MTG1: variants seen among roughly 807,000 people sequenced by gnomAD.
The protein encoded by MTG1 is mitochondrial ribosome associated GTPase 1.
MTG1 carries 30 observed loss-of-function variants against 39.5 expected under a neutral mutation model. The ratio of observed to expected loss-of-function variants is 0.76; its 90% CI spans 0.57 to 1.03. The LOEUF (loss-of-function observed/expected upper bound fraction) is 1.03, where lower values mean the gene tolerates loss of function less well. MTG1 is among the 50% of genes least tolerant of loss of function. MTG1 has a pLI of 0.00. For missense variants in MTG1, 513 were observed against 447.4 expected, an observed-to-expected ratio of 1.15 and a Z score of -1.32; for synonymous variants, 217 against 179.0, an observed-to-expected ratio of 1.21 and a Z score of -1.69.
rs1217793982 is a variant in MTG1, at chr10:133,402,578, C to T, written c.671-114C>T. ...GGTTAGTGTCTTTGTCAGTGGCTGGCCTCTTCCTCACGGCACGGTGTCTTT... is the reference window on the plus strand; with the variant it reads ...GGTTAGTGTCTTTGTCAGTGGCTGGTCTCTTCCTCACGGCACGGTGTCTTT... On this transcript the variant is annotated intron_variant, in intron 8 of 10. Coordinates refer to ENST00000317502, the MANE Select transcript of MTG1 (RefSeq NM_138384.4). The surrounding 1 kb of genome is among the most constrained non-coding windows in gnomAD (Gnocchi z 4.7). 2.1e-6 allele frequency: 2 copies of T among 970,494 alleles called. No individual in the cohort carries two copies. Among genetic ancestry groups the T allele is most frequent in the Admixed American group, 2.4e-5 (1 of 41,684 alleles). The allele number at this position is 970,494 out of a possible 1,614,324, so 60.1% of individuals were successfully genotyped here.
chr10:133,421,254 G>T lies in MTG1; in HGVS notation c.*1089G>T, dbSNP rs1850229315. On this transcript the variant is annotated 3_prime_UTR_variant, in exon 11 of 11. Transcript: ENST00000317502. ...ATCGTGCCATAACCCTGACCGCCTG[G>T]GGCAGGAAGTATTCAGGTTGGCTGT... The T allele has an allele frequency of 6.5e-6, 1 of 152,862 alleles. No individual in the cohort carries two copies. Among genetic ancestry groups the T allele is most frequent in the African/African-American group, 2.4e-5 (1 of 41,460 alleles). The allele number at this position is 152,862 out of a possible 1,614,324, so 9.5% of individuals were successfully genotyped here. A position where few individuals can be genotyped will look rare whatever the true frequency, so the allele number is the denominator to read the frequency against.
chr10:133,410,763 C>A (rs956481486), intron 9 of MTG1, among the ~76,000 whole-genome samples: 2 of 152,136 alleles, frequency 1.3e-5, no homozygotes, highest in African/African-American at 4.8e-5. Context: ...CAGAGTGAGA[C>A]CCCTCTCTTA....
intron 7 of MTG1, 115 bp downstream of exon 7, chr10:133,401,705 A>G (rs1438941318): frequency 4.0e-6 from 4 of 997,096 alleles, no homozygotes; most frequent in Non-Finnish European, 6.2e-6. Context: ...CCCTCCACTC[A>G]GTGTCCCCGC....
In MTG1 at chr10:133,417,509, T is replaced by C. The variant is rs556126840; in HGVS notation, c.753-1971T>C. ...CTCTCACCACTCCTATTCAACATAG[T>C]GTTGGAAGTTCTGGCCAGGGCAGTT... is the stretch of plus-strand genomic sequence containing the variant. On this transcript the variant is annotated intron_variant, in intron 9 of 10. Coordinates refer to ENST00000317502, the MANE Select transcript of MTG1 (RefSeq NM_138384.4). 8.1e-3 allele frequency among the ~76,000 whole-genome samples: 1,227 copies of C among 151,088 alleles called. 5 individuals carry two copies. The highest frequency in any genetic ancestry group is 0.01 in the Non-Finnish European group (704 of 67,472).
chr10:133,397,230 C>G (rs905187444), intron 3 of MTG1, among the ~76,000 whole-genome samples: 1 of 152,094 alleles, frequency 6.6e-6, no homozygotes, highest in Admixed American at 6.6e-5. Flanking sequence ...TAAGCTGTCT[C>G]TCTTTCTCCC....
At chr10:133,394,356 A>G in intron 1 of MTG1, 24 bp downstream of exon 1, 2 of 1,462,076 alleles carry the variant, frequency 1.4e-6, no homozygotes, top group Non-Finnish European at 1.8e-6. Flanking sequence ...GGGAGGGGCA[A>G]GGTCATGCCT....
At chr10:133,419,231 C>T (rs1850186276) in intron 9 of MTG1, among the ~76,000 whole-genome samples, 1 of 152,134 alleles carries the variant, frequency 6.6e-6, no homozygotes, top group East Asian at 1.9e-4. Context: ...TGGGAGCCGC[C>T]CCCCATGCTG....
In MTG1 at chr10:133,421,817, C is replaced by A. The variant is rs12253520; in HGVS notation, c.*1652C>A. The A allele has an allele frequency of 0.23, 34,189 of 151,588 alleles. 4,095 individuals are homozygous for A. The highest frequency in any genetic ancestry group is 0.33 in the East Asian group (1,645 of 5,018). The allele number at this position is 151,588 out of a possible 1,614,324, so 9.4% of individuals were successfully genotyped here. A position where few individuals can be genotyped will look rare whatever the true frequency, so the allele number is the denominator to read the frequency against. ...CTTGACTTTGGTGTCCACTGAGTCC[C>A]GAGGCTCAGGCCCAGGAGGGATGCA... On this transcript the variant is annotated 3_prime_UTR_variant, in exon 11 of 11. Transcript: ENST00000317502.
intron 3 of MTG1, among the ~76,000 whole-genome samples, chr10:133,396,904 C>CGACTGTGGTCTA (rs1849791476): frequency 6.6e-6 from 1 of 152,140 alleles, no homozygotes; most frequent in African/African-American, 2.4e-5. Context: ...GTTGCCAAGC[C>CGACTGTGGTCTA]GACTGTGGTC....
Position 133,402,643 on chromosome 10 carries a change from A to G in MTG1, c.671-49A>G, listed in dbSNP as rs754842549. On this transcript the variant is annotated intron_variant, in intron 8 of 10. Transcript: ENST00000317502. This position sits in a 1 kb window ranked among gnomAD's most constrained non-coding sequence, Gnocchi z 4.7. Reference sequence around the variant, plus strand: ...AGGGATGTGTTTGAACTTGGCAGGAACATAGATGTGGCTGTTTCCAGTGCT... The same window carrying G: ...AGGGATGTGTTTGAACTTGGCAGGAGCATAGATGTGGCTGTTTCCAGTGCT... The G allele has an allele frequency of 6.6e-7, 1 of 1,514,050 alleles. No individual in the cohort carries two copies. Among genetic ancestry groups the G allele is most frequent in the Non-Finnish European group, 9.0e-7 (1 of 1,110,002 alleles). 93.8% of individuals were successfully genotyped at this position (1,514,050 alleles called of 1,614,324 possible). A position where few individuals can be genotyped will look rare whatever the true frequency, so the allele number is the denominator to read the frequency against.
At chr10:133,409,802 C>A (rs547583339) in intron 9 of MTG1, among the ~76,000 whole-genome samples, 2 of 152,010 alleles carry the variant, frequency 1.3e-5, no homozygotes, top group African/African-American at 4.8e-5. Flanking sequence ...TACAGTCTGA[C>A]CTGTAGTCTA....
At chr10:133,415,131 G>A (rs1251723783) in intron 9 of MTG1, among the ~76,000 whole-genome samples, 3 of 152,198 alleles carry the variant, frequency 2.0e-5, no homozygotes, top group Non-Finnish European at 2.9e-5. Flanking sequence ...GTCCAGCTTC[G>A]GCTCGGCATC....
chr10:133,396,334 C>T (rs923257462), intron 3 of MTG1, 67 bp downstream of exon 3: 15 of 1,378,594 alleles, frequency 1.1e-5, no homozygotes, highest in African/African-American at 5.7e-5. Flanking sequence ...CTTGTTCTAA[C>T]GGAAGAGTTG....
chr10:133,420,707 G>C lies in MTG1; in HGVS notation c.*542G>C, dbSNP rs1435254576. The C allele has an allele frequency of 6.5e-6, 1 of 152,824 alleles. No individual in the cohort carries two copies. Among genetic ancestry groups the C allele is most frequent in the Non-Finnish European group, 1.5e-5 (1 of 68,510 alleles). 9.5% of individuals were successfully genotyped at this position (152,824 alleles called of 1,614,324 possible). On this transcript the variant is annotated 3_prime_UTR_variant, in exon 11 of 11. Coordinates refer to ENST00000317502, the MANE Select transcript of MTG1 (RefSeq NM_138384.4). ...TATTTCACACTTACAGGCACACACA[G>C]ACACAGACCAGAGACTCCCAGCAGC...
intron 9 of MTG1, among the ~76,000 whole-genome samples, chr10:133,408,048 G>T (rs1190480672): frequency 1.3e-5 from 2 of 152,140 alleles, no homozygotes; most frequent in African/African-American, 4.8e-5. Context: ...TCCAATTTGG[G>T]TGACTGTTAT....
chr10:133,396,238 A>T lies in MTG1; in HGVS notation c.253A>T (p.Met85Leu). 1 of 1,614,172 alleles carries T rather than the reference A, an allele frequency of 6.2e-7. No homozygotes were observed. The highest frequency in any genetic ancestry group is 8.5e-7 in the Non-Finnish European group (1 of 1,179,990). ...GCCTCACTTGCTGGTCCTCAACAAG[A>T]TGGACTTGGCGGATCTTACAGAGCA... is the stretch of plus-strand genomic sequence containing the variant. ...LKPHLLVLNK[M>L]DLADLTEQQK... The change falls in exon 3 of 11, where the codon ATG becomes TTG. Residue 85 changes from methionine (M) to leucine (L), a missense_variant. Physicochemically the swap from Met to Leu is conservative, Grantham distance 15. Coordinates refer to ENST00000317502, the MANE Select transcript of MTG1 (RefSeq NM_138384.4).
chr10:133,413,918 C>CTT (rs1285224313), intron 9 of MTG1, among the ~76,000 whole-genome samples: 28 of 136,114 alleles, frequency 2.1e-4, no homozygotes, highest in Middle Eastern at 3.5e-3. Flanking sequence ...GTTTTCTTTT[C>CTT]TTTTTTTTTT....
chr10:133,420,957 C>T lies in MTG1; in HGVS notation c.*792C>T, dbSNP rs1273726252. 6.6e-6 allele frequency: 1 copy of T among 152,396 alleles called. No individual in the cohort carries two copies. 9.4% of individuals were successfully genotyped at this position (152,396 alleles called of 1,614,324 possible). On this transcript the variant is annotated 3_prime_UTR_variant, in exon 11 of 11. Transcript: ENST00000317502. The stretch of plus-strand genomic sequence containing the variant: ...CCCCTCCAGCCCCATTATAGTGCAC[C>T]TGAAGGGGTCCACAGCCTGTGTCCT...
intron 1 of MTG1, chr10:133,394,672 A>G: frequency 1.7e-6 from 2 of 1,151,554 alleles, no homozygotes; most frequent in South Asian, 3.0e-5. Context: ...CTCCGTTTCC[A>G]CATGTTCTTG....
Sources: gnomAD v4.1 joint callset for allele counts (sites outside exome capture counted in the v4.1 genomes callset) on GRCh38, gnomAD v4.1.1 for gene constraint, Gnocchi (gnomAD v3.1) non-coding constraint, MANE v1.5 for transcripts, NCBI Gene and HGNC (gene_info 2026-07-23, HGNC 2026-07-21) for gene names.